Variants in FBXO8 observed in about 807,000 individuals in gnomAD.
The protein encoded by FBXO8 is F-box protein 8, also known as F-box only protein 8.
FBXO8 carries 15 observed loss-of-function variants against 33.4 expected under a neutral mutation model. That is an observed-to-expected ratio of 0.45 (90% confidence interval 0.30 to 0.69). The LOEUF (loss-of-function observed/expected upper bound fraction) is 0.69, where lower values mean the gene tolerates loss of function less well. Among genes scored for constraint, FBXO8 ranks in the 30% least tolerant of loss-of-function variants. The pLI is 0.08. For missense variants in FBXO8, 274 were observed against 380.3 expected, an observed-to-expected ratio of 0.72 and a Z score of 2.32; for synonymous variants, 132 against 131.5, an observed-to-expected ratio of 1.00 and a Z score of -0.02.
intron 1 of FBXO8, among the ~76,000 whole-genome samples, chr4:174,273,339 AAAAG>A (rs2126447363): frequency 7.9e-6 from 1 of 126,012 alleles, no homozygotes; most frequent in East Asian, 2.0e-4. Context: ...AAAAAAAAAG[AAAAG>A]AAAAGAAAAA....
intron 4 of FBXO8, among the ~76,000 whole-genome samples, chr4:174,240,576 C>G (rs559211345): frequency 5.4e-5 from 5 of 92,762 alleles, no homozygotes; most frequent in Admixed American, 1.3e-4. Context: ...GAACAGCATA[C>G]TAACCATCAT....
rs1362704511 is a variant in FBXO8 at position 174,237,186 on chromosome 4, TTTG to T, written c.*223_*225del. The T allele has an allele frequency of 3.1e-5, 14 of 454,084 alleles. No individual in the cohort carries two copies. The highest frequency in any genetic ancestry group is 5.8e-5 in the African/African-American group (3 of 51,720). 28.1% of individuals were successfully genotyped at this position (454,084 alleles called of 1,614,324 possible). A position where few individuals can be genotyped will look rare whatever the true frequency, so the allele number is the denominator to read the frequency against. ...CAGCTGTGTTAGACAGTGGCTCTGC[TTTG>T]TGCAAAACGTGATAAACAAAATTAG... On this transcript the variant is annotated 3_prime_UTR_variant, in exon 6 of 6. Transcript: ENST00000393674. This position sits in a 1 kb window ranked among gnomAD's most constrained non-coding sequence, Gnocchi z 4.4.
chr4:174,274,171 C>G lies in FBXO8; in HGVS notation c.-9+9239G>C, dbSNP rs1736900183. The stretch of plus-strand genomic sequence containing the variant: ...TCCCAGCTGCAGCTGCTCTTTCAGG[C>G]TACTGCTGTTCTTGTGGAAAGCACA... On this transcript the variant is annotated intron_variant, in intron 1 of 5. Coordinates refer to ENST00000393674, the MANE Select transcript of FBXO8 (RefSeq NM_012180.3). The surrounding 1 kb of genome is among the most constrained non-coding windows in gnomAD (Gnocchi z 4.0). Among the ~76,000 whole-genome samples, 1 of 152,202 alleles carries G rather than the reference C, an allele frequency of 6.6e-6. No homozygotes were observed. The highest frequency in any genetic ancestry group is 2.4e-5 in the African/African-American group (1 of 41,454).
rs929545306 is a variant in FBXO8, at chr4:174,259,386, G to GT, written c.456+312dup. 5.3e-5 allele frequency among the ~76,000 whole-genome samples: 8 copies of GT among 152,010 alleles called. No homozygotes were observed. The highest frequency in any genetic ancestry group is 1.9e-4 in the African/African-American group (8 of 41,422). On this transcript the variant is annotated intron_variant, in intron 3 of 5. Coordinates refer to ENST00000393674, the MANE Select transcript of FBXO8 (RefSeq NM_012180.3). This position sits in a 1 kb window ranked among gnomAD's most constrained non-coding sequence, Gnocchi z 4.3. ...AGATAAAATCTGATGAACACACTCT[G>GT]TGTTCTTATTATCAAATTTTTGTGC...
rs1736282962 is a variant in FBXO8 at position 174,251,412 on chromosome 4, C to G, written c.456+8287G>C. ...AAAGGTTTATTCCGAGTCCACAAAC[C>G]TCCTCTGGGAACTGATTCTACACCA... On this transcript the variant is annotated intron_variant, in intron 3 of 5. Transcript: ENST00000393674. This position sits in a 1 kb window ranked among gnomAD's most constrained non-coding sequence, Gnocchi z 4.2. Among the ~76,000 whole-genome samples the G allele has an allele frequency of 6.6e-6, 1 of 152,088 alleles. No homozygotes were observed. The highest frequency in any genetic ancestry group is 6.6e-5 in the Admixed American group (1 of 15,260).
rs1349839864 is a variant in FBXO8 at position 174,281,849 on chromosome 4, T to C, written c.-9+1561A>G. 6.6e-6 allele frequency among the ~76,000 whole-genome samples: 1 copy of C among 152,236 alleles called. No individual in the cohort carries two copies. The highest frequency in any genetic ancestry group is 1.9e-4 in the East Asian group (1 of 5,204). On this transcript the variant is annotated intron_variant, in intron 1 of 5. Transcript: ENST00000393674. This position sits in a 1 kb window ranked among gnomAD's most constrained non-coding sequence, Gnocchi z 4.6. ...GAACATAAATTTCCAGAAATAGATG[T>C]ATTTCATTTAAATTGTTTAAAAAAT...
chr4:174,241,612 T>C lies in FBXO8; in HGVS notation c.457-394A>G, dbSNP rs1736040984. On this transcript the variant is annotated intron_variant, in intron 3 of 5. Coordinates refer to ENST00000393674, the MANE Select transcript of FBXO8 (RefSeq NM_012180.3). The surrounding 1 kb of genome is among the most constrained non-coding windows in gnomAD (Gnocchi z 4.2). ...AAAACATGATTTCTTAAAGCTCACA[T>C]ATATATTGCAGTATGCCTTTCAAGG... Among the ~76,000 whole-genome samples the C allele has an allele frequency of 6.6e-6, 1 of 151,618 alleles. No individual in the cohort carries two copies. Among genetic ancestry groups the C allele is most frequent in the Non-Finnish European group, 1.5e-5 (1 of 67,552 alleles).
At position 174,275,041 on chromosome 4, in the gene FBXO8, C is replaced by A. The variant is rs1736928294; in HGVS notation, c.-9+8369G>T. Among the ~76,000 whole-genome samples the A allele has an allele frequency of 6.6e-6, 1 of 152,124 alleles. No individual in the cohort carries two copies. The highest frequency in any genetic ancestry group is 2.4e-5 in the African/African-American group (1 of 41,424). ...CAGATTGAGAGAAAATATTTGTAAA[C>A]CACATATCTGACGGACGAGTATCTA... On this transcript the variant is annotated intron_variant, in intron 1 of 5. Transcript: ENST00000393674. This position sits in a 1 kb window ranked among gnomAD's most constrained non-coding sequence, Gnocchi z 4.4.
At chr4:174,269,798 G>GA (rs1736795285) in intron 1 of FBXO8, among the ~76,000 whole-genome samples, 1 of 151,994 alleles carries the variant, frequency 6.6e-6, no homozygotes. Flanking sequence ...GAATAAATCA[G>GA]AACTCCTTTA....
At chr4:174,243,686 G>A (rs1736096811) in intron 3 of FBXO8, among the ~76,000 whole-genome samples, 1 of 151,128 alleles carries the variant, frequency 6.6e-6, no homozygotes, top group Non-Finnish European at 1.5e-5. Context: ...TTAGAAGAAT[G>A]GTACAGAGAA....
chr4:174,255,098 T>C lies in FBXO8; in HGVS notation c.456+4601A>G, dbSNP rs1736386433. Among the ~76,000 whole-genome samples the C allele has an allele frequency of 6.6e-6, 1 of 152,140 alleles. No homozygotes were observed. Among genetic ancestry groups the C allele is most frequent in the Non-Finnish European group, 1.5e-5 (1 of 67,998 alleles). The stretch of plus-strand genomic sequence containing the variant: ...CTGTAAATAAGCCAACTAATCATAA[T>C]CTATCATGTTCAAATTAGACTTAAG... On this transcript the variant is annotated intron_variant, in intron 3 of 5. Coordinates refer to ENST00000393674, the MANE Select transcript of FBXO8 (RefSeq NM_012180.3). The surrounding 1 kb of genome is among the most constrained non-coding windows in gnomAD (Gnocchi z 4.3).
In FBXO8 at chr4:174,263,474, G is replaced by A. The variant is rs886477299; in HGVS notation, c.-8-374C>T. Among the ~76,000 whole-genome samples the A allele has an allele frequency of 2.0e-5, 3 of 152,048 alleles. No homozygotes were observed. The highest frequency in any genetic ancestry group is 4.4e-5 in the Non-Finnish European group (3 of 68,000). ...TTAAATACAGCTCTGATCAGAGCAC[G>A]GACTTTAGTTAAAAGGCCTCCAGAC... On this transcript the variant is annotated intron_variant, in intron 1 of 5. Coordinates refer to ENST00000393674, the MANE Select transcript of FBXO8 (RefSeq NM_012180.3). This position sits in a 1 kb window ranked among gnomAD's most constrained non-coding sequence, Gnocchi z 4.2.
At chr4:174,260,462 G>T (rs1033219210) in intron 2 of FBXO8, among the ~76,000 whole-genome samples, 1 of 152,002 alleles carries the variant, frequency 6.6e-6, no homozygotes, top group African/African-American at 2.4e-5. Flanking sequence ...ATTAAATACA[G>T]AAATTGTTTG....
intron 4 of FBXO8, among the ~76,000 whole-genome samples, chr4:174,240,228 A>C (rs972042731): frequency 1.6e-4 from 25 of 151,696 alleles, no homozygotes; most frequent in African/African-American, 6.0e-4. Context: ...AGACAAAAAA[A>C]CTTAATGATG....
chr4:174,268,088 G>A (rs1194928849), intron 1 of FBXO8, among the ~76,000 whole-genome samples: 1 of 152,162 alleles, frequency 6.6e-6, no homozygotes, highest in Non-Finnish European at 1.5e-5. Flanking sequence ...AAACACGGTT[G>A]CTTCTTGTTA....
At chr4:174,260,981 G>A (rs1319042272) in intron 2 of FBXO8, among the ~76,000 whole-genome samples, 1 of 151,870 alleles carries the variant, frequency 6.6e-6, no homozygotes, top group Non-Finnish European at 1.5e-5. Flanking sequence ...AAAAGTTACT[G>A]TCTGAGCATA....
At chr4:174,280,376 T>C (rs1006228040) in intron 1 of FBXO8, among the ~76,000 whole-genome samples, 7 of 152,076 alleles carry the variant, frequency 4.6e-5, no homozygotes, top group Admixed American at 2.0e-4. Flanking sequence ...TTATGTATTG[T>C]TAATGTGAAT....
intron 3 of FBXO8, among the ~76,000 whole-genome samples, chr4:174,246,945 A>C (rs967279859): frequency 7.9e-5 from 12 of 152,144 alleles, no homozygotes; most frequent in Non-Finnish European, 1.6e-4. Flanking sequence ...GCAGGATATG[A>C]CTGGATATGA....
chr4:174,242,903 A>G (rs1183393767), intron 3 of FBXO8, among the ~76,000 whole-genome samples: 1 of 151,612 alleles, frequency 6.6e-6, no homozygotes. Context: ...TTTAATTGAA[A>G]TGATTTAAAA....
Sources: gnomAD v4.1 joint callset for allele counts (sites outside exome capture counted in the v4.1 genomes callset) on GRCh38, gnomAD v4.1.1 for gene constraint, Gnocchi (gnomAD v3.1) non-coding constraint, MANE v1.5 for transcripts, NCBI Gene and HGNC (gene_info 2026-07-23, HGNC 2026-07-21) for gene names.